Variants in PLD5 observed in about 807,000 individuals in gnomAD.
The protein encoded by PLD5 is inactive phospholipase D5.
PLD5 carries 36 observed loss-of-function variants against 61.1 expected under a neutral mutation model. The observed-to-expected ratio is 0.59, with a 90% CI of 0.45 to 0.78. PLD5 has a LOEUF of 0.78. Ranked by LOEUF, PLD5 falls within the 30% of genes least tolerant of loss-of-function variation. PLD5 has a pLI of 0.00. For missense variants in PLD5, 515 were observed against 644.4 expected, an observed-to-expected ratio of 0.80 and a Z score of 2.17; for synonymous variants, 243 against 242.8, an observed-to-expected ratio of 1.00 and a Z score of -0.01.
At chr1:242,472,458 T>A (rs1432479638) in intron 1 of PLD5, among the ~76,000 whole-genome samples, 1 of 152,238 alleles carries the variant, frequency 6.6e-6, no homozygotes, top group Admixed American at 6.5e-5. Flanking sequence ...CTACAATGTC[T>A]GTCTCTGCAG....
At chr1:242,433,036 T>A (rs535608033) in intron 1 of PLD5, among the ~76,000 whole-genome samples, 1 of 152,114 alleles carries the variant, frequency 6.6e-6, no homozygotes, top group East Asian at 1.9e-4. Flanking sequence ...TGTTTTCTTA[T>A]AATAAAGAGA....
intron 4 of PLD5, among the ~76,000 whole-genome samples, chr1:242,242,430 T>C (rs1051206908): frequency 6.6e-5 from 10 of 152,286 alleles, no homozygotes; most frequent in African/African-American, 2.4e-4. Flanking sequence ...CATAAACAGA[T>C]TTCTTAGGCA....
At chr1:242,198,916 T>G (rs1007104311) in intron 5 of PLD5, among the ~76,000 whole-genome samples, 3 of 151,244 alleles carry the variant, frequency 2.0e-5, no homozygotes, top group African/African-American at 7.3e-5. Context: ...GTATTTTTAG[T>G]ACAGACGGGG....
At chr1:242,481,709 T>TA (rs1667783473) in intron 1 of PLD5, among the ~76,000 whole-genome samples, 1 of 152,168 alleles carries the variant, frequency 6.6e-6, no homozygotes, top group South Asian at 2.1e-4. Flanking sequence ...TTGAAGACAG[T>TA]AGTGGTTCTC....
chr1:242,384,088 T>C (rs1326506803), intron 1 of PLD5, among the ~76,000 whole-genome samples: 1 of 152,240 alleles, frequency 6.6e-6, no homozygotes, highest in Non-Finnish European at 1.5e-5. Flanking sequence ...ACTTTGCAAT[T>C]TGCAGAATTT....
intron 1 of PLD5, among the ~76,000 whole-genome samples, chr1:242,351,926 C>A (rs901682623): frequency 2.0e-5 from 3 of 151,462 alleles, no homozygotes; most frequent in African/African-American, 7.4e-5. Flanking sequence ...TCCCTTATTC[C>A]TCACTAATTT....
At chr1:242,128,316 G>GGA (rs1224304488) in intron 5 of PLD5, among the ~76,000 whole-genome samples, 2 of 146,294 alleles carry the variant, frequency 1.4e-5, no homozygotes, top group South Asian at 2.2e-4. Context: ...AGGAAAGAAA[G>GGA]AAAAAAAAAA....
chr1:242,095,902 T>G (rs1320021976), intron 9 of PLD5, among the ~76,000 whole-genome samples: 1 of 152,224 alleles, frequency 6.6e-6, no homozygotes. Context: ...AAAATCAAAA[T>G]AATCACGTTT....
At chr1:242,234,393 C>G (rs1671504964) in intron 4 of PLD5, among the ~76,000 whole-genome samples, 1 of 152,140 alleles carries the variant, frequency 6.6e-6, no homozygotes, top group African/African-American at 2.4e-5. Context: ...TTGCCAAACC[C>G]CTGCTGCAGG....
intron 1 of PLD5, among the ~76,000 whole-genome samples, chr1:242,434,763 G>A (rs556893044): frequency 3.9e-5 from 6 of 152,106 alleles, no homozygotes; most frequent in South Asian, 2.1e-4. Flanking sequence ...ACAGGCACCC[G>A]CCACCACACC....
intron 4 of PLD5, among the ~76,000 whole-genome samples, chr1:242,227,624 A>G (rs929107239): frequency 6.6e-6 from 1 of 152,158 alleles, no homozygotes; most frequent in Non-Finnish European, 1.5e-5. Flanking sequence ...TCGGCCTCCC[A>G]AAGTGTTGGG....
At chr1:242,324,370 T>C (rs1252726194) in intron 2 of PLD5, among the ~76,000 whole-genome samples, 2 of 152,236 alleles carry the variant, frequency 1.3e-5, no homozygotes, top group Non-Finnish European at 2.9e-5. Context: ...AATTACTTTT[T>C]GCTAAAAACA....
chr1:242,495,179 G>T (rs554730166), intron 1 of PLD5, among the ~76,000 whole-genome samples: 1 of 152,094 alleles, frequency 6.6e-6, no homozygotes, highest in African/African-American at 2.4e-5. Flanking sequence ...CAAACCAAAT[G>T]CCTTCATTGT....
chr1:242,419,048 T>A (rs1664982103), intron 1 of PLD5, among the ~76,000 whole-genome samples: 1 of 152,210 alleles, frequency 6.6e-6, no homozygotes. Context: ...GTAGCATGAA[T>A]AATGCTTAGA....
chr1:242,373,053 G>A (rs1444373718), intron 1 of PLD5, among the ~76,000 whole-genome samples: 1 of 152,076 alleles, frequency 6.6e-6, no homozygotes, highest in Non-Finnish European at 1.5e-5. Flanking sequence ...ATCGGACAAA[G>A]GGCTAATATC....
rs200059886 is a variant in PLD5, at chr1:242,394,280, GTA to G, written c.190-46040_190-46039del. Among the ~76,000 whole-genome samples the G allele has an allele frequency of 1.1e-4, 10 of 93,126 alleles. 1 individual carries two copies. The highest frequency in any genetic ancestry group is 8.6e-4 in the South Asian group (2 of 2,332). The allele number at this position is 93,126 out of a possible 152,430, so 61.1% of individuals were successfully genotyped here. A position where few individuals can be genotyped will look rare whatever the true frequency, so the allele number is the denominator to read the frequency against. On this transcript the variant is annotated intron_variant, in intron 1 of 9. Transcript: ENST00000536534. Reference sequence around the variant, plus strand: ...TATATGAGTATGAGTATATATATGTGTATATATATGAGTATATATATGAGTAT... The same window carrying G: ...TATATGAGTATGAGTATATATATGTGTATATATGAGTATATATATGAGTAT...
chr1:242,320,970 C>T (rs1658358110), intron 2 of PLD5, among the ~76,000 whole-genome samples: 1 of 152,110 alleles, frequency 6.6e-6, no homozygotes, highest in South Asian at 2.1e-4. Context: ...AAACTGATTC[C>T]CAAATTCTCA....
In PLD5 at chr1:242,176,326, G is replaced by T. The variant is rs1667141570; in HGVS notation, c.735+43662C>A. Among the ~76,000 whole-genome samples the T allele has an allele frequency of 3.3e-5, 5 of 152,258 alleles. 1 individual carries two copies. In the South Asian group the frequency reaches 1.0e-3, roughly 32 times the overall value. On this transcript the variant is annotated intron_variant, in intron 5 of 9. Transcript: ENST00000536534. ...TCTTTGACAAATCTGACCCAAAGAAGCAATGGGGAAAGGATTCCCTATTTA... is the reference window on the plus strand; with the variant it reads ...TCTTTGACAAATCTGACCCAAAGAATCAATGGGGAAAGGATTCCCTATTTA...
chr1:242,246,045 T>C (rs903756047), intron 4 of PLD5, among the ~76,000 whole-genome samples: 2 of 152,160 alleles, frequency 1.3e-5, no homozygotes, highest in African/African-American at 4.8e-5. Context: ...CAGTAGCTAC[T>C]ATTATTAGTC....
Sources: gnomAD v4.1 joint callset for allele counts (sites outside exome capture counted in the v4.1 genomes callset) on GRCh38, gnomAD v4.1.1 for gene constraint, MANE v1.5 for transcripts, NCBI Gene and HGNC (gene_info 2026-07-23, HGNC 2026-07-21) for gene names.